Variants in RNF216 observed in about 807,000 individuals in gnomAD.
RNF216 encodes the protein E3 ubiquitin-protein ligase RNF216.
In RNF216, 72 loss-of-function variants were observed where a neutral mutation model predicts 110.8. The ratio of observed to expected loss-of-function variants is 0.65; its 90% CI spans 0.54 to 0.79. The LOEUF (loss-of-function observed/expected upper bound fraction) is 0.79. Among genes scored for constraint, RNF216 ranks in the 30% least tolerant of loss-of-function variants. The probability of loss-of-function intolerance (pLI) is 0.00; values close to 1 mark genes in which losing one functional copy is unlikely to be tolerated. For synonymous variants in RNF216, 495 were observed against 407.5 expected, an observed-to-expected ratio of 1.21 and a Z score of -2.59; for missense variants, 1,342 against 1,141.2, an observed-to-expected ratio of 1.18 and a Z score of -2.54.
At chr7:5,649,285 G>A (rs1295925641) in intron 14 of RNF216, among the ~76,000 whole-genome samples, 4 of 151,942 alleles carry the variant, frequency 2.6e-5, no homozygotes, top group Admixed American at 6.6e-5. Flanking sequence ...CCAGCTACTC[G>A]GGAGGCTGAG....
At chr7:5,639,075 C>T (rs1350741027) in intron 15 of RNF216, among the ~76,000 whole-genome samples, 1 of 152,198 alleles carries the variant, frequency 6.6e-6, no homozygotes, top group Non-Finnish European at 1.5e-5. Context: ...TACTTCTTCC[C>T]GTCTCACTTG....
chr7:5,668,650 A>C (rs542396692), intron 13 of RNF216, among the ~76,000 whole-genome samples: 31 of 152,182 alleles, frequency 2.0e-4, no homozygotes, highest in Admixed American at 6.5e-4. Flanking sequence ...GGTCAACTCG[A>C]CACAGAAGAA....
At chr7:5,779,713 C>T (rs1225316255) in intron 1 of RNF216, among the ~76,000 whole-genome samples, 1 of 148,510 alleles carries the variant, frequency 6.7e-6, no homozygotes. Flanking sequence ...CCTGTAATTC[C>T]AGCTACTCGG....
chr7:5,781,036 G>C (rs557841681), intron 1 of RNF216, among the ~76,000 whole-genome samples: 2 of 152,264 alleles, frequency 1.3e-5, no homozygotes, highest in South Asian at 4.1e-4. Flanking sequence ...GCCCTCGCGA[G>C]TGCCGGGTGA....
chr7:5,754,119 G>GGTGTGTGT (rs10543449), intron 2 of RNF216, among the ~76,000 whole-genome samples: 4 of 141,998 alleles, frequency 2.8e-5, no homozygotes, highest in Non-Finnish European at 4.6e-5. Flanking sequence ...TCTTTTGTGT[G>GGTGTGTGT]GTGTGTGTGT....
intron 13 of RNF216, among the ~76,000 whole-genome samples, chr7:5,662,242 C>A (rs1353413511): frequency 1.3e-5 from 2 of 152,200 alleles, no homozygotes; most frequent in South Asian, 4.1e-4. Context: ...ACAGGGTGAT[C>A]TCAGACTGGA....
chr7:5,752,890 G>C lies in RNF216; in HGVS notation c.157C>G (p.Gln53Glu). 6.2e-7 allele frequency: 1 copy of C among 1,612,600 alleles called. No individual in the cohort carries two copies. The highest frequency in any genetic ancestry group is 8.5e-7 in the Non-Finnish European group (1 of 1,179,372). Residue 53 changes from glutamine to glutamate, a missense_variant, in exon 3 of 17, where the codon CAG becomes GAG. Coordinates refer to ENST00000389902, the MANE Select transcript of RNF216 (RefSeq NM_207111.4). Reference sequence around the variant, plus strand: ...TCATCCAGGTCCTCTTCTTCATGCTGCTGAGGAGCTGGGGTGACCAGCATT... The same window carrying C: ...TCATCCAGGTCCTCTTCTTCATGCTCCTGAGGAGCTGGGGTGACCAGCATT... The part of the protein sequence containing the change: ...IPMLVTPAPQ[Q>E]HEEEDLDDDV...
At chr7:5,679,932 T>A (rs144884604) in intron 13 of RNF216, among the ~76,000 whole-genome samples, 1 of 152,142 alleles carries the variant, frequency 6.6e-6, no homozygotes, top group East Asian at 1.9e-4. Context: ...AGAAACACAA[T>A]AGGGACCCTG....
intron 13 of RNF216, among the ~76,000 whole-genome samples, chr7:5,676,543 C>T (rs972911638): frequency 3.9e-5 from 6 of 151,996 alleles, no homozygotes; most frequent in African/African-American, 1.2e-4. Context: ...CACAGTCTCC[C>T]GTCCGTCCTG....
Position 5,769,250 on chromosome 7 carries a change from T to G in RNF216, c.-69-8112A>C, listed in dbSNP as rs538154232. Among the ~76,000 whole-genome samples the G allele has an allele frequency of 6.6e-5, 10 of 151,890 alleles. No individual in the cohort carries two copies. In the South Asian group the frequency reaches 2.1e-3, roughly 31 times the overall value. Reference sequence around the variant, plus strand: ...CTCCTGCCTCAGCCTCCCGAGTAGCTGGGACTACAGGCGTGCGCCACCACG... The same window carrying G: ...CTCCTGCCTCAGCCTCCCGAGTAGCGGGGACTACAGGCGTGCGCCACCACG... On this transcript the variant is annotated intron_variant, in intron 1 of 16. Transcript: ENST00000389902.
intron 3 of RNF216, among the ~76,000 whole-genome samples, chr7:5,752,374 G>C (rs892902881): frequency 6.6e-6 from 1 of 152,098 alleles, no homozygotes; most frequent in South Asian, 2.1e-4. Context: ...TTCTTGGTTA[G>C]AAAGAGTAGT....
intron 1 of RNF216, among the ~76,000 whole-genome samples, chr7:5,779,571 G>A (rs894686265): frequency 2.0e-5 from 3 of 151,452 alleles, no homozygotes; most frequent in African/African-American, 7.3e-5. Flanking sequence ...AGAGCACGGT[G>A]GCTAAAGCCT....
At chr7:5,741,950 C>T (rs1794782920) in intron 3 of RNF216, 135 bp from the exon 4 acceptor site, 3 of 856,572 alleles carry the variant, frequency 3.5e-6, no homozygotes, top group Non-Finnish European at 5.2e-6. Flanking sequence ...CTATTCTTTA[C>T]ATTTATCTTA....
rs557610507 is a variant in RNF216 at position 5,663,162 on chromosome 7, C to T, written c.2062-10652G>A. Among the ~76,000 whole-genome samples, 23 of 152,226 alleles carry T rather than the reference C, an allele frequency of 1.5e-4. No homozygotes were observed. In the East Asian group the frequency reaches 3.9e-3, roughly 26 times the overall value. On this transcript the variant is annotated intron_variant, in intron 13 of 16. Transcript: ENST00000389902. ...TGCGTTGTTACTGCACTTTTAGTGGCGTCTTGTAATTATCTGATTATGTCA... is the reference window on the plus strand; with the variant it reads ...TGCGTTGTTACTGCACTTTTAGTGGTGTCTTGTAATTATCTGATTATGTCA...
chr7:5,650,170 C>A (rs146003009), intron 14 of RNF216, among the ~76,000 whole-genome samples: 1 of 152,320 alleles, frequency 6.6e-6, no homozygotes, highest in African/African-American at 2.4e-5. Flanking sequence ...AGGCTCATGA[C>A]AGAAGCATCC....
intron 8 of RNF216, among the ~76,000 whole-genome samples, chr7:5,722,696 G>T (rs1793509648): frequency 6.6e-6 from 1 of 151,526 alleles, no homozygotes; most frequent in African/African-American, 2.4e-5. Context: ...AGCCTCTCAT[G>T]TTTTTTTAAA....
At chr7:5,648,828 G>C (rs1471138397) in intron 14 of RNF216, among the ~76,000 whole-genome samples, 2 of 151,960 alleles carry the variant, frequency 1.3e-5, no homozygotes, top group African/African-American at 4.8e-5. Context: ...ACATTCTACA[G>C]GCCAATTATC....
intron 14 of RNF216, among the ~76,000 whole-genome samples, chr7:5,645,781 G>T (rs1229700316): frequency 6.6e-6 from 1 of 152,084 alleles, no homozygotes; most frequent in African/African-American, 2.4e-5. Flanking sequence ...AGTAGAGAAA[G>T]GTTTCACCAT....
Position 5,749,047 on chromosome 7 carries a change from G to C in RNF216, c.201+3799C>G, listed in dbSNP as rs187353134. On this transcript the variant is annotated intron_variant, in intron 3 of 16. Coordinates refer to ENST00000389902, the MANE Select transcript of RNF216 (RefSeq NM_207111.4). ...ACTTCAATCTTTTATCAGAAAAACAGGACCTAACTCCAATGCCTTTTAGTT... is the reference window on the plus strand; with the variant it reads ...ACTTCAATCTTTTATCAGAAAAACACGACCTAACTCCAATGCCTTTTAGTT... Among the ~76,000 whole-genome samples, 57 of 152,184 alleles carry C rather than the reference G, an allele frequency of 3.7e-4. No individual in the cohort carries two copies. The East Asian group carries it at 8.7e-3, about 23-fold the overall frequency.
Sources: allele counts gnomAD v4.1 joint callset (sites outside exome capture counted in the v4.1 genomes callset), GRCh38; gene constraint gnomAD v4.1.1; transcripts MANE v1.5; gene names NCBI Gene and HGNC (gene_info 2026-07-23, HGNC 2026-07-21).